The following NUP214 variants were observed in gnomAD, a reference collection of about 807,000 sequenced individuals.
The protein encoded by NUP214 is nuclear pore complex protein Nup214.
A neutral mutation model predicts 196.2 loss-of-function variants in NUP214; 79 were observed. That is an observed-to-expected ratio of 0.40 (90% CI 0.34 to 0.49). The LOEUF (loss-of-function observed/expected upper bound fraction) is 0.49, where lower values mean the gene tolerates loss of function less well. Among genes scored for constraint, NUP214 ranks in the 20% least tolerant of loss-of-function variants. The pLI, the probability that NUP214 is intolerant of heterozygous loss-of-function variation, is 0.58. For missense variants in NUP214, 2,468 were observed against 2,539.0 expected (o/e 0.97, Z 0.60); for synonymous variants, 1,020 against 990.5 (o/e 1.03, Z -0.56).
intron 17 of NUP214, among the ~76,000 whole-genome samples, chr9:131,156,001 T>C (rs1832425138): frequency 6.6e-6 from 1 of 152,176 alleles, no homozygotes; most frequent in African/African-American, 2.4e-5. Flanking sequence ...GATTGTTTTT[T>C]CTAGTTCTGT....
At chr9:131,131,396 G>T (rs1831541283) in intron 5 of NUP214, among the ~76,000 whole-genome samples, 2 of 152,188 alleles carry the variant, frequency 1.3e-5, no homozygotes, top group African/African-American at 4.8e-5. Flanking sequence ...CAATTGAGTT[G>T]CAAGGAACCC....
intron 21 of NUP214, among the ~76,000 whole-genome samples, chr9:131,166,856 C>G (rs181861256): frequency 9.2e-5 from 14 of 152,158 alleles, no homozygotes; most frequent in Non-Finnish European, 1.8e-4. Flanking sequence ...CCACTTACCC[C>G]TCACCCATAT....
At position 131,222,194 on chromosome 9, in the gene NUP214, C is replaced by T. The variant is rs753008536; in HGVS notation, c.5750-584C>T. Among the ~76,000 whole-genome samples the T allele has an allele frequency of 1.5e-4, 23 of 152,232 alleles. 1 individual carries two copies. The highest frequency in any genetic ancestry group is 2.5e-4 in the Non-Finnish European group (17 of 68,046). ...TCCCTATATCCCCTTGGATCAAAGA[C>T]AGGAGCACCATGATTTTTCTCATTT... On this transcript the variant is annotated intron_variant, in intron 31 of 35. Transcript: ENST00000359428.
At chr9:131,126,618 G>C (rs1283138917) in intron 1 of NUP214, among the ~76,000 whole-genome samples, 1 of 151,028 alleles carries the variant, frequency 6.6e-6, no homozygotes, top group Non-Finnish European at 1.5e-5. Flanking sequence ...CATGATCTCG[G>C]CTCCCTGCAA....
chr9:131,229,726 A>G, intron 33 of NUP214: 1 of 519,040 alleles, frequency 1.9e-6, no homozygotes, highest in Non-Finnish European at 3.8e-6. Context: ...GGCCCAAGGC[A>G]GGAGGAGGAA....
intron 25 of NUP214, 57 bp from the exon 26 acceptor site, chr9:131,188,996 T>C: frequency 8.5e-7 from 1 of 1,169,832 alleles, no homozygotes; most frequent in Non-Finnish European, 1.3e-6. Context: ...CATATTTCTT[T>C]GTTACAAAGA....
intron 21 of NUP214, chr9:131,166,932 A>T (rs1168505246): frequency 1.3e-5 from 2 of 152,096 alleles, no homozygotes; most frequent in Non-Finnish European, 2.9e-5. Flanking sequence ...AACGCCCCTT[A>T]TTCCTAAATA....
chr9:131,155,627 C>G (rs1433009561), intron 17 of NUP214, among the ~76,000 whole-genome samples: 1 of 152,136 alleles, frequency 6.6e-6, no homozygotes, highest in East Asian at 1.9e-4. Context: ...AGATTTAAGT[C>G]TTCGATCCAT....
chr9:131,225,139 A>G (rs911868274), intron 32 of NUP214, among the ~76,000 whole-genome samples: 2 of 152,126 alleles, frequency 1.3e-5, no homozygotes, highest in Non-Finnish European at 2.9e-5. Flanking sequence ...GACACTGGGT[A>G]CAGTGGCTCA....
chr9:131,218,987 G>A (rs1446672849), intron 31 of NUP214, among the ~76,000 whole-genome samples: 1 of 152,008 alleles, frequency 6.6e-6, no homozygotes, highest in African/African-American at 2.4e-5. Context: ...GTTTCTGTGT[G>A]CACTGCACCT....
At chr9:131,223,752 TGA>T in intron 32 of NUP214, among the ~76,000 whole-genome samples, 1 of 119,664 alleles carries the variant, frequency 8.4e-6, no homozygotes, top group Admixed American at 9.1e-5. Flanking sequence ...TTTTTTTTTT[TGA>T]GACGGAGTCT....
At chr9:131,165,406 TA>T (rs1328219831) in intron 21 of NUP214, 3 of 152,396 alleles carry the variant, frequency 2.0e-5, no homozygotes, top group Admixed American at 2.0e-4. Context: ...ATTGAGATTA[TA>T]ACAGTTTTGT....
At chr9:131,159,507 G>T (rs1482151177) in intron 18 of NUP214, 21 bp downstream of exon 18, 2 of 1,538,836 alleles carry the variant, frequency 1.3e-6, no homozygotes, top group Non-Finnish European at 1.8e-6. Flanking sequence ...TCTCTCATCT[G>T]CAATGTGTTG....
At chr9:131,180,223 A>G (rs1310435355) in intron 24 of NUP214, among the ~76,000 whole-genome samples, 2 of 152,240 alleles carry the variant, frequency 1.3e-5, no homozygotes, top group Non-Finnish European at 1.5e-5. Context: ...AGACTCTGGT[A>G]TAATTATTTC....
intron 11 of NUP214, among the ~76,000 whole-genome samples, chr9:131,143,357 A>G (rs1831983612): frequency 6.6e-6 from 1 of 151,958 alleles, no homozygotes; most frequent in African/African-American, 2.4e-5. Flanking sequence ...TGCATTAAAT[A>G]TCTTTTTCAT....
At chr9:131,211,993 G>A (rs1479546107) in intron 30 of NUP214, among the ~76,000 whole-genome samples, 2 of 152,170 alleles carry the variant, frequency 1.3e-5, no homozygotes, top group African/African-American at 2.4e-5. Context: ...TTACAAAACC[G>A]AATAGGAGAA....
At chr9:131,219,804 C>T (rs532090612) in intron 31 of NUP214, among the ~76,000 whole-genome samples, 40 of 152,258 alleles carry the variant, frequency 2.6e-4, no homozygotes, top group African/African-American at 9.6e-4. Flanking sequence ...TTTACAGGGT[C>T]CCTCTACAAC....
intron 22 of NUP214, 151 bp from the exon 23 acceptor site, chr9:131,175,309 G>A (rs1833082971): frequency 1.2e-6 from 1 of 856,710 alleles, no homozygotes. Flanking sequence ...GAAAGATATA[G>A]ATGCCAGCCT....
At chr9:131,145,798 T>A (rs1353598612) in intron 12 of NUP214, among the ~76,000 whole-genome samples, 4 of 152,222 alleles carry the variant, frequency 2.6e-5, no homozygotes, top group Non-Finnish European at 4.4e-5. Context: ...TAAGCATAAT[T>A]GTGTCCCACC....
Sources: allele counts gnomAD v4.1 joint callset (sites outside exome capture counted in the v4.1 genomes callset), GRCh38; gene constraint gnomAD v4.1.1; transcripts MANE v1.5; gene names NCBI Gene and HGNC (gene_info 2026-07-23, HGNC 2026-07-21).